Variants in SEMA3A observed in about 807,000 individuals in gnomAD.
SEMA3A encodes semaphorin-3A.
Under a neutral mutation model 97.9 loss-of-function variants are expected in SEMA3A, and 29 were observed. That is an observed-to-expected ratio of 0.30 (90% CI 0.22 to 0.40). SEMA3A has a LOEUF of 0.40. Among genes scored for constraint, SEMA3A ranks in the 10% least tolerant of loss-of-function variants. SEMA3A has a pLI of 1.00. For missense variants in SEMA3A, 763 were observed against 951.3 expected, an observed-to-expected ratio of 0.80 and a Z score of 2.60; for synonymous variants, 321 against 323.7, an observed-to-expected ratio of 0.99 and a Z score of 0.09.
intron 3 of SEMA3A, among the ~76,000 whole-genome samples, chr7:84,114,098 T>C (rs1212141625): frequency 2.0e-5 from 3 of 152,068 alleles, no homozygotes; most frequent in Non-Finnish European, 4.4e-5. Flanking sequence ...TCCTGGACGG[T>C]TACAAAAATA....
At chr7:83,986,934 ATC>A (rs924857509) in intron 12 of SEMA3A, among the ~76,000 whole-genome samples, 44 of 150,616 alleles carry the variant, frequency 2.9e-4, no homozygotes, top group African/African-American at 9.8e-4. Context: ...GTTTATTCAA[ATC>A]TCTCTTTCCT....
intron 1 of SEMA3A, among the ~76,000 whole-genome samples, chr7:84,407,292 A>T (rs1270206527): frequency 6.6e-6 from 1 of 152,216 alleles, no homozygotes; most frequent in Non-Finnish European, 1.5e-5. Flanking sequence ...TCCCATTCAC[A>T]ATTGCTTCAA....
At chr7:84,410,385 A>T (rs1804229323) in intron 1 of SEMA3A, among the ~76,000 whole-genome samples, 1 of 152,152 alleles carries the variant, frequency 6.6e-6, no homozygotes, top group African/African-American at 2.4e-5. Flanking sequence ...CCTCATGCCT[A>T]CATGGCTATG....
rs17158892 is a variant in SEMA3A at position 84,337,263 on chromosome 7, G to T, written c.-168-29971C>A. Among the ~76,000 whole-genome samples, 1,126 of 151,980 alleles carry T rather than the reference G, an allele frequency of 7.4e-3. 13 individuals carry two copies. Among genetic ancestry groups the T allele is most frequent in the African/African-American group, 0.026 (1,082 of 41,500 alleles). On this transcript the variant is annotated intron_variant, in intron 2 of 3. Coordinates refer to the SEMA3A transcript ENST00000424555. ...ATGCCAATAAATTCCCAAAGACCTG[G>T]CAAGAAAAATGTTGAAACTATGTTT... is the stretch of plus-strand genomic sequence containing the variant.
chr7:83,978,070 T>C (rs1789238372), intron 14 of SEMA3A, among the ~76,000 whole-genome samples: 1 of 152,124 alleles, frequency 6.6e-6, no homozygotes, highest in Non-Finnish European at 1.5e-5. Context: ...CCCAAAGTGC[T>C]GGGATTACAG....
intron 1 of SEMA3A, among the ~76,000 whole-genome samples, chr7:84,384,908 A>G (rs1043711249): frequency 3.9e-5 from 6 of 152,194 alleles, no homozygotes; most frequent in African/African-American, 1.4e-4. Flanking sequence ...CTTAACTACT[A>G]TCTACATGAG....
intron 3 of SEMA3A, among the ~76,000 whole-genome samples, chr7:84,286,984 T>G (rs1220217307): frequency 1.3e-5 from 2 of 152,158 alleles, no homozygotes; most frequent in African/African-American, 4.8e-5. Context: ...ACTATATTTA[T>G]TTTTTATAAC....
At chr7:84,145,452 A>G (rs1448790893) in intron 1 of SEMA3A, among the ~76,000 whole-genome samples, 1 of 152,186 alleles carries the variant, frequency 6.6e-6, no homozygotes, top group Non-Finnish European at 1.5e-5. Context: ...AAGTAAATAT[A>G]AAAATATCTA....
upstream of SEMA3A, among the ~76,000 whole-genome samples, chr7:84,197,852 G>A (rs901964614): frequency 4.1e-5 from 6 of 146,028 alleles, no homozygotes; most frequent in African/African-American, 1.3e-4. Context: ...TAATTCTCCC[G>A]TCTCAGCCTC....
chr7:84,327,070 C>A (rs191910102), intron 2 of SEMA3A, among the ~76,000 whole-genome samples: 2 of 151,858 alleles, frequency 1.3e-5, no homozygotes, highest in African/African-American at 4.8e-5. Flanking sequence ...TAACAAAAGT[C>A]TAATATCCAG....
At chr7:84,042,328 A>C (rs1792163806) in intron 6 of SEMA3A, among the ~76,000 whole-genome samples, 2 of 152,062 alleles carry the variant, frequency 1.3e-5, no homozygotes. Flanking sequence ...AGGAAATTCC[A>C]CTAAAAGAAA....
At chr7:84,061,753 AG>A (rs1283147467) in intron 4 of SEMA3A, among the ~76,000 whole-genome samples, 1 of 152,194 alleles carries the variant, frequency 6.6e-6, no homozygotes, top group Non-Finnish European at 1.5e-5. Context: ...GTTAAAAAAA[AG>A]GAAGAAATTC....
intron 12 of SEMA3A, among the ~76,000 whole-genome samples, chr7:83,989,375 G>C (rs1030691755): frequency 3.3e-5 from 5 of 151,506 alleles, no homozygotes; most frequent in Admixed American, 3.3e-4. Context: ...GTGCAGGTTA[G>C]TTACATATGT....
intron 3 of SEMA3A, among the ~76,000 whole-genome samples, chr7:84,230,937 C>A (rs1482236766): frequency 1.3e-5 from 2 of 151,736 alleles, no homozygotes; most frequent in African/African-American, 4.8e-5. Flanking sequence ...CCAGTTATTC[C>A]AACAGCATTT....
At chr7:84,053,482 CT>C (rs2115637655) in intron 5 of SEMA3A, among the ~76,000 whole-genome samples, 1 of 114,476 alleles carries the variant, frequency 8.7e-6, no homozygotes, top group South Asian at 3.5e-4. Context: ...TTCTTTGTCT[CT>C]TTTGATCTTT....
At chr7:84,151,279 A>G (rs1562816024) in intron 1 of SEMA3A, among the ~76,000 whole-genome samples, 1 of 152,068 alleles carries the variant, frequency 6.6e-6, no homozygotes, top group South Asian at 2.1e-4. Flanking sequence ...GCTTCAGACG[A>G]TCAAATTACT....
At chr7:84,379,769 T>C (rs1451553166) in intron 1 of SEMA3A, among the ~76,000 whole-genome samples, 1 of 152,216 alleles carries the variant, frequency 6.6e-6, no homozygotes, top group African/African-American at 2.4e-5. Flanking sequence ...ATGTCATTTT[T>C]GTAAACAATA....
chr7:84,021,791 T>C (rs1260963956), intron 6 of SEMA3A, among the ~76,000 whole-genome samples: 1 of 152,206 alleles, frequency 6.6e-6, no homozygotes, highest in Non-Finnish European at 1.5e-5. Flanking sequence ...GTAGGTTCTT[T>C]TGAAAGAAGG....
intron 1 of SEMA3A, among the ~76,000 whole-genome samples, chr7:84,429,433 T>C (rs1203152431): frequency 4.1e-5 from 6 of 147,480 alleles, no homozygotes; most frequent in Non-Finnish European, 8.9e-5. Context: ...GGTGAATATA[T>C]CAAATTAACA....
Sources: allele counts gnomAD v4.1 joint callset (sites outside exome capture counted in the v4.1 genomes callset), GRCh38; gene constraint gnomAD v4.1.1; transcripts MANE v1.5; gene names NCBI Gene and HGNC (gene_info 2026-07-23, HGNC 2026-07-21).